Variants in PRELID2 observed in about 807,000 individuals in gnomAD.
The protein encoded by PRELID2 is PRELI domain-containing protein 2.
A neutral mutation model predicts 28.4 loss-of-function variants in PRELID2; 25 were observed. The ratio of observed to expected loss-of-function variants is 0.88; its 90% CI spans 0.64 to 1.23. The LOEUF is 1.23. Ranked by LOEUF, PRELID2 falls within the 50% of genes most tolerant of loss-of-function variation. The probability of loss-of-function intolerance (pLI) is 0.00; values close to 1 mark genes in which losing one functional copy is unlikely to be tolerated. For synonymous variants in PRELID2, 76 were observed against 71.6 expected (o/e 1.06, Z -0.31); for missense variants, 201 against 214.4 (o/e 0.94, Z 0.39).
At chr5:145,697,044 T>C (rs1755287998) in intron 1 of PRELID2, among the ~76,000 whole-genome samples, 1 of 98,694 alleles carries the variant, frequency 1.0e-5, no homozygotes, top group Non-Finnish European at 1.9e-5. Flanking sequence ...TATATATATA[T>C]ATATATATAT....
intron 1 of PRELID2, among the ~76,000 whole-genome samples, chr5:145,577,703 C>T (rs990907024): frequency 3.3e-5 from 5 of 152,084 alleles, no homozygotes; most frequent in South Asian, 2.1e-4. Context: ...AATAAAACTA[C>T]ACCAAGATTT....
the PRELID2 span, among the ~76,000 whole-genome samples, chr5:145,336,140 T>C: frequency 6.6e-6 from 1 of 152,190 alleles, no homozygotes; most frequent in Non-Finnish European, 1.5e-5. Flanking sequence ...TTCTTGTAAA[T>C]TTGTTTGAGT....
chr5:145,294,830 T>C, the PRELID2 span, among the ~76,000 whole-genome samples: 2 of 152,148 alleles, frequency 1.3e-5, no homozygotes, highest in African/African-American at 4.8e-5. Context: ...AGTGAATCTC[T>C]GCTTGGGGAT....
At chr5:145,421,713 T>G in the PRELID2 span, among the ~76,000 whole-genome samples, 1,358 of 145,312 alleles carry the variant, frequency 9.3e-3, 13 homozygotes, top group South Asian at 0.043. Context: ...TTTTGAAGGG[T>G]TTTTTTGTCT....
intron 1 of PRELID2, among the ~76,000 whole-genome samples, chr5:145,700,743 A>G (rs1755386947): frequency 6.6e-6 from 1 of 152,120 alleles, no homozygotes; most frequent in Non-Finnish European, 1.5e-5. Context: ...CTACCAGACT[A>G]TATGGGAGCA....
the PRELID2 span, among the ~76,000 whole-genome samples, chr5:145,241,043 G>T: frequency 6.6e-6 from 1 of 151,952 alleles, no homozygotes; most frequent in Admixed American, 6.6e-5. Context: ...TATAATTAAA[G>T]TATCAATCTC....
At chr5:145,483,169 C>T (rs1481504479) in intron 1 of PRELID2, among the ~76,000 whole-genome samples, 1 of 152,134 alleles carries the variant, frequency 6.6e-6, no homozygotes, top group African/African-American at 2.4e-5. Context: ...ACACCCTGTA[C>T]GATGTGACTT....
chr5:145,785,460 T>C (rs1478027201), intron 5 of PRELID2, among the ~76,000 whole-genome samples: 1 of 152,210 alleles, frequency 6.6e-6, no homozygotes, highest in Non-Finnish European at 1.5e-5. Context: ...CTTCAGCACA[T>C]GATGTATACT....
intron 1 of PRELID2, among the ~76,000 whole-genome samples, chr5:145,742,030 A>C (rs1756817909): frequency 7.8e-6 from 1 of 127,934 alleles, no homozygotes; most frequent in African/African-American, 3.1e-5. Context: ...AAATAAATTT[A>C]TTCATTAATA....
the PRELID2 span, among the ~76,000 whole-genome samples, chr5:145,238,719 C>G: frequency 1.3e-5 from 2 of 151,930 alleles, no homozygotes; most frequent in Admixed American, 1.3e-4. Context: ...CTGTTATGTC[C>G]CCACTATCCT....
intron 1 of PRELID2, among the ~76,000 whole-genome samples, chr5:145,632,598 T>C (rs1753948012): frequency 6.6e-6 from 1 of 152,166 alleles, no homozygotes; most frequent in Non-Finnish European, 1.5e-5. Flanking sequence ...TTTTGAAATA[T>C]TCTCCATAAG....
the PRELID2 span, among the ~76,000 whole-genome samples, chr5:145,456,203 T>G: frequency 6.6e-6 from 1 of 152,198 alleles, no homozygotes; most frequent in Non-Finnish European, 1.5e-5. Context: ...TTAATTCAGC[T>G]GACTTTTGTT....
intron 1 of PRELID2, among the ~76,000 whole-genome samples, chr5:145,542,808 C>T (rs527917740): frequency 5.3e-4 from 73 of 137,228 alleles, no homozygotes; most frequent in African/African-American, 1.9e-3. Context: ...TTTTCTTTTA[C>T]TTTCTACCTT....
chr5:145,396,283 T>A, the PRELID2 span, among the ~76,000 whole-genome samples: 1 of 152,168 alleles, frequency 6.6e-6, no homozygotes, highest in Non-Finnish European at 1.5e-5. Context: ...AAATGCAGGT[T>A]CATTGTTCAG....
In PRELID2 at chr5:145,737,361, C is replaced by T. The variant is rs74679696; in HGVS notation, n.70+27570G>A. On this transcript the variant is annotated intron_variant and non_coding_transcript_variant, in intron 1 of 2. Transcript: ENST00000510259. ...AGTGGAACTTAAATAGAGGAATGCACGCAAAGATTTCAACTTACAAAAAGT... is the reference window on the plus strand; with the variant it reads ...AGTGGAACTTAAATAGAGGAATGCATGCAAAGATTTCAACTTACAAAAAGT... Among the ~76,000 whole-genome samples, 1,366 of 151,798 alleles carry T rather than the reference C, an allele frequency of 9.0e-3. 44 individuals are homozygous for T. Among genetic ancestry groups the T allele is most frequent in the East Asian group, 0.076 (392 of 5,150 alleles).
intron 1 of PRELID2, among the ~76,000 whole-genome samples, chr5:145,487,150 G>A (rs1478523248): frequency 6.7e-6 from 1 of 148,680 alleles, no homozygotes; most frequent in Non-Finnish European, 1.5e-5. Flanking sequence ...TAGATGATGA[G>A]TTAGTGGGTG....
chr5:145,418,472 A>G, the PRELID2 span, among the ~76,000 whole-genome samples: 1 of 152,182 alleles, frequency 6.6e-6, no homozygotes. Context: ...GCATCATGTT[A>G]ACCAACTTCA....
intron 1 of PRELID2, among the ~76,000 whole-genome samples, chr5:145,658,932 A>G (rs1264462683): frequency 6.6e-6 from 1 of 152,216 alleles, no homozygotes; most frequent in Non-Finnish European, 1.5e-5. Context: ...TGTGTTTCAG[A>G]AAAGCCTCCA....
the PRELID2 span, among the ~76,000 whole-genome samples, chr5:145,394,611 T>C: frequency 6.6e-6 from 1 of 152,114 alleles, no homozygotes; most frequent in African/African-American, 2.4e-5. Flanking sequence ...AATAAATATA[T>C]GTTCCAAATT....
Sources: allele counts gnomAD v4.1 joint callset (sites outside exome capture counted in the v4.1 genomes callset), GRCh38; gene constraint gnomAD v4.1.1; transcripts MANE v1.5; gene names NCBI Gene and HGNC (gene_info 2026-07-23, HGNC 2026-07-21).